Variants in TLCD4 observed in about 807,000 individuals in gnomAD.
TLCD4 encodes TLC domain-containing protein 4.
A neutral mutation model predicts 24.2 loss-of-function variants in TLCD4; 7 were observed. That is an observed-to-expected ratio of 0.29 (90% CI 0.16 to 0.54). TLCD4 has a LOEUF of 0.54. Ranked by LOEUF, TLCD4 falls within the 20% of genes least tolerant of loss-of-function variation. TLCD4 has a pLI of 0.95. For synonymous variants in TLCD4, 103 were observed against 106.4 expected, an observed-to-expected ratio of 0.97 and a Z score of 0.20; for missense variants, 259 against 313.9, an observed-to-expected ratio of 0.82 and a Z score of 1.32.
intron 4 of TLCD4, 71 bp from the exon 5 acceptor site, chr1:95,151,254 A>G: frequency 1.3e-6 from 2 of 1,485,128 alleles, no homozygotes; most frequent in Non-Finnish European, 9.3e-7. Context: ...CAGGAGAAAG[A>G]GTTCAATACA....
chr1:95,166,233 C>A (rs534932426), intron 5 of TLCD4, among the ~76,000 whole-genome samples: 1 of 152,190 alleles, frequency 6.6e-6, no homozygotes, highest in African/African-American at 2.4e-5. Context: ...ATTTAAAAAT[C>A]TATGGGTAAT....
chr1:95,163,188 G>T (rs1248839914), intron 5 of TLCD4: 1 of 152,078 alleles, frequency 6.6e-6, no homozygotes, highest in Non-Finnish European at 1.5e-5. Flanking sequence ...TTTCTCAGAG[G>T]CTTCGTTCAT....
At position 95,190,318 on chromosome 1, in the gene TLCD4, GTTTCTTTTCT is replaced by G. The variant is rs111246052; in HGVS notation, c.474-1213_474-1204del. Among the ~76,000 whole-genome samples, 1,439 of 150,250 alleles carry G rather than the reference GTTTCTTTTCT, an allele frequency of 9.6e-3. 3 individuals are homozygous for G. Among genetic ancestry groups the G allele is most frequent in the Admixed American group, 0.016 (237 of 15,090 alleles). On this transcript the variant is annotated intron_variant, in intron 6 of 6. Coordinates refer to ENST00000370203, the MANE Select transcript of TLCD4 (RefSeq NM_152487.3). ...GGGTTTCGCCATTTTGGCCACATTG[GTTTCTTTTCT>G]TTTCTTTTCTTTTCTTTTTTGAGAT...
chr1:95,099,956 A>AC, the TLCD4 span, among the ~76,000 whole-genome samples: 528 of 150,944 alleles, frequency 3.5e-3, no homozygotes, highest in Non-Finnish European at 6.1e-3. Flanking sequence ...ACTTGGTGAA[A>AC]CCCCCCCTCT....
rs1679221355 is a variant in TLCD4 at position 95,196,907 on chromosome 1, G to A, written c.*5039G>A. 1 of 151,960 alleles carries A rather than the reference G, an allele frequency of 6.6e-6. No homozygotes were observed. The highest frequency in any genetic ancestry group is 1.5e-5 in the Non-Finnish European group (1 of 67,986). 9.4% of individuals were successfully genotyped at this position (151,960 alleles called of 1,614,324 possible). ...GTCTACTTTTTATTTAAGGAATTTT[G>A]TGTAGATAATACTCTCACTAACTTG... On this transcript the variant is annotated 3_prime_UTR_variant, in exon 7 of 7. Coordinates refer to ENST00000370203, the MANE Select transcript of TLCD4 (RefSeq NM_152487.3).
At chr1:95,112,037 A>T in the TLCD4 span, among the ~76,000 whole-genome samples, 1 of 152,232 alleles carries the variant, frequency 6.6e-6, no homozygotes, top group East Asian at 1.9e-4. Flanking sequence ...CAATCTTGGC[A>T]CAGTTGCCAT....
At chr1:95,166,264 A>G (rs547953159) in intron 5 of TLCD4, among the ~76,000 whole-genome samples, 160 of 152,270 alleles carry the variant, frequency 1.1e-3, no homozygotes, top group Middle Eastern at 3.4e-3. Flanking sequence ...TAATTTTCAG[A>G]GGCCATTTCA....
At chr1:95,186,594 G>A (rs1457653554) in intron 6 of TLCD4, among the ~76,000 whole-genome samples, 1 of 152,150 alleles carries the variant, frequency 6.6e-6, no homozygotes, top group African/African-American at 2.4e-5. Flanking sequence ...GTTCACTGAG[G>A]TATAATATTT....
chr1:95,152,057 T>C (rs945409792), intron 5 of TLCD4, among the ~76,000 whole-genome samples: 2 of 152,176 alleles, frequency 1.3e-5, no homozygotes, highest in Admixed American at 6.6e-5. Context: ...TCAAGGTAGA[T>C]ATTGCAACTG....
At chr1:95,143,073 G>A in intron 1 of TLCD4, among the ~76,000 whole-genome samples, 1 of 152,122 alleles carries the variant, frequency 6.6e-6, no homozygotes, top group African/African-American at 2.4e-5. Context: ...CTGAAATGAA[G>A]TTATAAAGTT....
chr1:95,127,666 A>G (rs1374368452), intron 1 of TLCD4, among the ~76,000 whole-genome samples: 2 of 152,096 alleles, frequency 1.3e-5, no homozygotes, highest in Non-Finnish European at 2.9e-5. Context: ...CTTTTTTCCC[A>G]AGAGTCTCCC....
At chr1:95,142,976 G>A (rs1285107346) in intron 1 of TLCD4, among the ~76,000 whole-genome samples, 2 of 151,500 alleles carry the variant, frequency 1.3e-5, no homozygotes, top group Non-Finnish European at 2.9e-5. Context: ...GGGGCGTGGC[G>A]GAGGGGAGGG....
At chr1:95,141,847 G>T (rs548721914) in intron 1 of TLCD4, among the ~76,000 whole-genome samples, 1 of 109,158 alleles carries the variant, frequency 9.2e-6, no homozygotes, top group African/African-American at 2.8e-5. Context: ...AATGAGGAAA[G>T]AATTCATTAT....
chr1:95,157,753 A>G (rs1485419640), intron 5 of TLCD4, among the ~76,000 whole-genome samples: 1 of 152,184 alleles, frequency 6.6e-6, no homozygotes, highest in Non-Finnish European at 1.5e-5. Flanking sequence ...TCTGAACAAC[A>G]TTTCAAGAGT....
rs1161940425 is a variant in TLCD4 at position 95,161,013 on chromosome 1, C to T, written c.399+9594C>T. On this transcript the variant is annotated intron_variant, in intron 5 of 6. Coordinates refer to ENST00000370203, the MANE Select transcript of TLCD4 (RefSeq NM_152487.3). Reference sequence around the variant, plus strand: ...GCTTTGGTATCAGGATGATGCTGGCCTCATAAAATAAGTTAGAGAGGATTC... The same window carrying T: ...GCTTTGGTATCAGGATGATGCTGGCTTCATAAAATAAGTTAGAGAGGATTC... Among the ~76,000 whole-genome samples, 26 of 152,130 alleles carry T rather than the reference C, an allele frequency of 1.7e-4. 1 individual carries two copies. The highest frequency in any genetic ancestry group is 1.5e-5 in the Non-Finnish European group (1 of 68,036).
At chr1:95,188,733 G>A (rs544985448) in intron 6 of TLCD4, among the ~76,000 whole-genome samples, 1 of 152,104 alleles carries the variant, frequency 6.6e-6, no homozygotes, top group South Asian at 2.1e-4. Context: ...TTTGTTTTTT[G>A]AGCACTTTCT....
At chr1:95,188,154 G>A (rs79874403) in intron 6 of TLCD4, among the ~76,000 whole-genome samples, 5,370 of 152,194 alleles carry the variant, frequency 0.035, 162 homozygotes, top group Non-Finnish European at 0.052. Context: ...TTGGGAGGCC[G>A]AGGCGGGTGG....
At chr1:95,189,600 G>A (rs1237485303) in intron 6 of TLCD4, among the ~76,000 whole-genome samples, 1 of 152,074 alleles carries the variant, frequency 6.6e-6, no homozygotes, top group African/African-American at 2.4e-5. Context: ...TCTGTTTTCT[G>A]TCTTGATACT....
At chr1:95,118,248 C>T (rs1009103423) in intron 1 of TLCD4, among the ~76,000 whole-genome samples, 1 of 152,142 alleles carries the variant, frequency 6.6e-6, no homozygotes, top group Non-Finnish European at 1.5e-5. Context: ...TTTCTATTTC[C>T]ATCTTTACCT....
Sources: gnomAD v4.1 joint callset for allele counts (sites outside exome capture counted in the v4.1 genomes callset) on GRCh38, gnomAD v4.1.1 for gene constraint, MANE v1.5 for transcripts, NCBI Gene and HGNC (gene_info 2026-07-23, HGNC 2026-07-21) for gene names.